Variants in MTREX observed in about 807,000 individuals in gnomAD.
MTREX encodes the protein Mtr4 exosome RNA helicase.
A neutral mutation model predicts 135.4 loss-of-function variants in MTREX; 76 were observed. The ratio of observed to expected loss-of-function variants is 0.56; its 90% CI spans 0.47 to 0.68. The LOEUF is 0.68. MTREX is among the 30% of genes least tolerant of loss of function. MTREX has a pLI of 0.00. For missense variants in MTREX, 920 were observed against 1,262.1 expected (o/e 0.73, Z 4.11); for synonymous variants, 404 against 401.6 (o/e 1.01, Z -0.07).
intron 3 of MTREX, among the ~76,000 whole-genome samples, chr5:55,325,935 C>T (rs1749370695): frequency 6.6e-6 from 1 of 152,120 alleles, no homozygotes; most frequent in Admixed American, 6.5e-5. Context: ...ATCCATGTTA[C>T]TGCAAAGGAC....
chr5:55,379,145 G>T lies in MTREX; in HGVS notation c.2002G>T (p.Asp668Tyr). The stretch of plus-strand genomic sequence containing the variant: ...TTTTTAGGTAAAGAATGAAGGAGAT[G>T]ACTTTGGCTGGGGAGTAGTGGTGAA... ...RLVKVKNEGD[D>Y]FGWGVVVNFS... Residue 668 changes from aspartate (D) to tyrosine (Y), a missense_variant, in exon 18 of 27, where the codon GAC (aspartate) becomes TAC (tyrosine). Around this residue, in one of 6 missense-constraint regions of MTREX, gnomAD observed 467 missense variants for 589.7 expected, o/e 0.79. Transcript: ENST00000230640. 1 of 1,609,282 alleles carries T rather than the reference G, an allele frequency of 6.2e-7. No homozygotes were observed. The highest frequency in any genetic ancestry group is 1.1e-5 in the South Asian group (1 of 90,942).
intron 14 of MTREX, among the ~76,000 whole-genome samples, chr5:55,355,459 G>C (rs76781893): frequency 2.0e-5 from 3 of 152,166 alleles, no homozygotes; most frequent in African/African-American, 7.2e-5. Flanking sequence ...GGCACCTGGG[G>C]GATGGAATGG....
At chr5:55,327,890 C>G (rs908233674) in intron 4 of MTREX, 112 bp downstream of exon 4, 3 of 731,088 alleles carry the variant, frequency 4.1e-6, no homozygotes, top group Non-Finnish European at 6.8e-6. Context: ...ATGTATGTAT[C>G]AAGAACAAGC....
At position 55,405,667 on chromosome 5, in the gene MTREX, T is replaced by G. The variant is rs1750793074; in HGVS notation, c.2645+79T>G. On this transcript the variant is annotated intron_variant, in intron 22 of 26. Coordinates refer to ENST00000230640, the MANE Select transcript of MTREX (RefSeq NM_015360.5). ...TAATTTTTGTTTATTTTTTTTGAGA[T>G]GGAGTCTCACTGTTGCCCAGGCTGG... 9.2e-6 allele frequency: 12 copies of G among 1,298,310 alleles called. No individual in the cohort carries two copies. In the South Asian group the frequency reaches 1.6e-4, roughly 18 times the overall value. The allele number at this position is 1,298,310 out of a possible 1,614,324, so 80.4% of individuals were successfully genotyped here.
chr5:55,380,820 G>GA (rs538886182), intron 18 of MTREX, among the ~76,000 whole-genome samples: 97 of 152,278 alleles, frequency 6.4e-4, no homozygotes, highest in African/African-American at 2.2e-3. Context: ...AGGCCTCATA[G>GA]AATGAGTTAG....
intron 14 of MTREX, chr5:55,357,608 G>A (rs1347409729): frequency 1.3e-5 from 2 of 152,480 alleles, no homozygotes; most frequent in African/African-American, 2.4e-5. Flanking sequence ...CATACAGGCA[G>A]TGGGCTTTCA....
At chr5:55,416,229 T>TTTTTTTATTGATAATTC in intron 25 of MTREX, 97 bp downstream of exon 25, 1 of 744,968 alleles carries the variant, frequency 1.3e-6, no homozygotes, top group Non-Finnish European at 2.1e-6. Context: ...ATTTTTAATA[T>TTTTTTTATTGATAATTC]TTGGTAACTA....
chr5:55,423,727 T>TG (rs1193570377), intron 26 of MTREX: 1 of 152,080 alleles, frequency 6.6e-6, no homozygotes, highest in Non-Finnish European at 1.5e-5. Context: ...AATGGAGTGG[T>TG]GGTGGGGGGG....
chr5:55,359,307 A>G (rs191664028), intron 15 of MTREX, among the ~76,000 whole-genome samples: 68 of 152,302 alleles, frequency 4.5e-4, no homozygotes, highest in Admixed American at 4.4e-3. Flanking sequence ...CTTCTTATCC[A>G]TATAGAGAAA....
chr5:55,403,990 G>A (rs892049007), intron 21 of MTREX, among the ~76,000 whole-genome samples: 6 of 152,188 alleles, frequency 3.9e-5, no homozygotes, highest in East Asian at 3.9e-4. Context: ...TAATCTCTCC[G>A]TGCCTCAGTT....
At chr5:55,404,367 T>C (rs1180892173) in intron 21 of MTREX, among the ~76,000 whole-genome samples, 16 of 152,230 alleles carry the variant, frequency 1.1e-4, no homozygotes, top group African/African-American at 3.6e-4. Flanking sequence ...ATCAAGGTGA[T>C]ACATTTTCAT....
At chr5:55,384,634 A>G (rs1750449894) in intron 18 of MTREX, among the ~76,000 whole-genome samples, 1 of 151,684 alleles carries the variant, frequency 6.6e-6, no homozygotes. Context: ...CCCTGCCTCC[A>G]CCTCTTGCAG....
chr5:55,327,674 ATAGT>A (rs766544545), intron 3 of MTREX, 38 bp from the exon 4 acceptor site: 12 of 1,480,492 alleles, frequency 8.1e-6, no homozygotes, highest in African/African-American at 1.4e-5. Flanking sequence ...CAGTTCTCAA[ATAGT>A]TGGTGAGGTT....
chr5:55,328,800 A>G lies in MTREX; in HGVS notation c.504A>G (p.Thr168=), dbSNP rs753530341. The G allele has an allele frequency of 2.5e-6, 4 of 1,600,238 alleles. No homozygotes were observed. Among genetic ancestry groups the G allele is most frequent in the South Asian group, 2.2e-5 (2 of 90,260 alleles). ...CTGCACATACCTCAGCGGGAAAAAC[A>G]GTATGCGCCGAGTGAGTAGCTTCCT... ...LVSAHTSAGK[T]VCAEYAIALA... Residue 168 remains threonine (T), a synonymous_variant, in exon 5 of 27, where the codon ACA becomes ACG. Transcript: ENST00000230640.
intron 25 of MTREX, among the ~76,000 whole-genome samples, chr5:55,421,396 T>C (rs1338047422): frequency 6.6e-6 from 1 of 152,244 alleles, no homozygotes; most frequent in African/African-American, 2.4e-5. Flanking sequence ...ACCACAGTCA[T>C]TGTATATGCA....
intron 19 of MTREX, among the ~76,000 whole-genome samples, chr5:55,392,178 G>C (rs1035113410): frequency 2.5e-4 from 38 of 152,096 alleles, no homozygotes; most frequent in Admixed American, 2.0e-4. Flanking sequence ...TGGCCACCAA[G>C]GTCTCTGCTT....
chr5:55,318,192 G>A (rs539954836), intron 1 of MTREX, among the ~76,000 whole-genome samples: 11 of 152,188 alleles, frequency 7.2e-5, no homozygotes, highest in Non-Finnish European at 1.5e-4. Context: ...CAGTTCAACC[G>A]TTGTGGAAGG....
chr5:55,325,412 A>G (rs1242312266), intron 3 of MTREX, among the ~76,000 whole-genome samples: 1 of 149,824 alleles, frequency 6.7e-6, no homozygotes, highest in African/African-American at 2.5e-5. Flanking sequence ...GCTCACTGCA[A>G]CCTCCACGTC....
rs571194851 is a variant in MTREX at position 55,379,267 on chromosome 5, G to A, written c.2052+72G>A. 36 of 890,122 alleles carry A rather than the reference G, an allele frequency of 4.0e-5. No homozygotes were observed. In the Middle Eastern group the frequency reaches 1.0e-3, roughly 25 times the overall value. 55.1% of individuals were successfully genotyped at this position (890,122 alleles called of 1,614,324 possible). ...AATGTTTTTTAAGGCTTATGAAATCGGTCTAAGAAGAAATAATATTACCTG... is the reference window on the plus strand; with the variant it reads ...AATGTTTTTTAAGGCTTATGAAATCAGTCTAAGAAGAAATAATATTACCTG... On this transcript the variant is annotated intron_variant, in intron 18 of 26. Coordinates refer to ENST00000230640, the MANE Select transcript of MTREX (RefSeq NM_015360.5).
Sources: allele counts gnomAD v4.1 joint callset (sites outside exome capture counted in the v4.1 genomes callset), GRCh38; gene constraint gnomAD v4.1.1; regional missense constraint gnomAD v4.1.1; transcripts MANE v1.5; gene names NCBI Gene and HGNC (gene_info 2026-07-23, HGNC 2026-07-21).